The following CCDC192 variants were observed in gnomAD, a reference collection of about 807,000 sequenced individuals.
The protein encoded by CCDC192 is coiled-coil domain-containing protein 192.
intron 5 of CCDC192, among the ~76,000 whole-genome samples, chr5:127,813,676 A>G (rs1758204430): frequency 6.6e-6 from 1 of 152,196 alleles, no homozygotes; most frequent in Non-Finnish European, 1.5e-5. Context: ...ATACTCAGTG[A>G]CCATATTTAA....
intron 2 of CCDC192, among the ~76,000 whole-genome samples, chr5:127,709,000 G>A (rs111566458): frequency 6.6e-6 from 1 of 151,736 alleles, no homozygotes; most frequent in African/African-American, 2.4e-5. Context: ...CAGGCTGTAC[G>A]GGAAGTATAG....
chr5:127,822,047 T>C (rs1749317583), intron 5 of CCDC192, among the ~76,000 whole-genome samples: 1 of 152,242 alleles, frequency 6.6e-6, no homozygotes, highest in Non-Finnish European at 1.5e-5. Context: ...TTTTAATTAG[T>C]TGTCTTCATG....
At chr5:127,801,728 T>C (rs1005605297) in intron 5 of CCDC192, among the ~76,000 whole-genome samples, 5 of 152,180 alleles carry the variant, frequency 3.3e-5, no homozygotes, top group Non-Finnish European at 7.3e-5. Context: ...ATACATCTAT[T>C]TGAGCTGTTA....
At chr5:127,730,080 G>C (rs573219431) in intron 2 of CCDC192, among the ~76,000 whole-genome samples, 1 of 152,030 alleles carries the variant, frequency 6.6e-6, no homozygotes, top group South Asian at 2.1e-4. Context: ...AATTAATCCA[G>C]GACCTGCTTT....
intron 5 of CCDC192, among the ~76,000 whole-genome samples, chr5:127,818,692 G>A (rs1749143469): frequency 6.6e-6 from 1 of 152,154 alleles, no homozygotes. Flanking sequence ...CCTGAGCTGA[G>A]TATTAAATTA....
chr5:127,915,205 A>G (rs950417835), intron 6 of CCDC192, among the ~76,000 whole-genome samples: 4 of 151,426 alleles, frequency 2.6e-5, no homozygotes, highest in Non-Finnish European at 4.4e-5. Flanking sequence ...GTGTGCAAAA[A>G]CATGTTTAAA....
chr5:127,753,645 G>A (rs1040789364), intron 2 of CCDC192, among the ~76,000 whole-genome samples: 1 of 150,178 alleles, frequency 6.7e-6, no homozygotes. Flanking sequence ...CCAAGATCGT[G>A]CCCTTGCACT....
intron 5 of CCDC192, among the ~76,000 whole-genome samples, chr5:127,840,605 T>G (rs1390511897): frequency 1.2e-5 from 1 of 86,684 alleles, no homozygotes; most frequent in African/African-American, 3.8e-5. Flanking sequence ...TATTAAATTA[T>G]TAATTAATTT....
rs367697222 is a variant in CCDC192, at chr5:127,907,116, T to C, written c.535+31455T>C. Among the ~76,000 whole-genome samples the C allele has an allele frequency of 2.6e-5, 4 of 152,266 alleles. No individual in the cohort carries two copies. In the South Asian group the frequency reaches 8.3e-4, roughly 32 times the overall value. ...TTTGGTTTTGAAAAAAACCACATCT[T>C]TATACTACTGAAAAGCTCTACCACT... is the stretch of plus-strand genomic sequence containing the variant. On this transcript the variant is annotated intron_variant, in intron 6 of 6. Coordinates refer to ENST00000514853, the MANE Select transcript of CCDC192 (RefSeq NM_001317938.2).
chr5:127,744,026 A>G (rs1028857595), intron 2 of CCDC192, among the ~76,000 whole-genome samples: 5 of 148,688 alleles, frequency 3.4e-5, no homozygotes, highest in Admixed American at 6.7e-5. Context: ...CCCAGGAGGC[A>G]GAGCTTGCAG....
At chr5:127,843,833 C>T (rs534546631) in intron 5 of CCDC192, among the ~76,000 whole-genome samples, 2 of 152,294 alleles carry the variant, frequency 1.3e-5, no homozygotes, top group Admixed American at 1.3e-4. Context: ...TCTTTCTTTT[C>T]CCCTTCCTTC....
intron 6 of CCDC192, among the ~76,000 whole-genome samples, chr5:127,918,235 A>AAAAAAAAAG (rs1753587501): frequency 6.6e-6 from 1 of 151,166 alleles, no homozygotes; most frequent in East Asian, 1.9e-4. Flanking sequence ...AAAAAAAAAA[A>AAAAAAAAAG]GTAGTATCTA....
At position 127,802,948 on chromosome 5, in the gene CCDC192, A is replaced by C. The variant is rs115647289; in HGVS notation, c.411+4786A>C. Among the ~76,000 whole-genome samples the C allele has an allele frequency of 4.6e-3, 703 of 152,336 alleles. 1 individual carries two copies. The highest frequency in any genetic ancestry group is 0.016 in the African/African-American group (684 of 41,576). On this transcript the variant is annotated intron_variant, in intron 5 of 6. Coordinates refer to ENST00000514853, the MANE Select transcript of CCDC192 (RefSeq NM_001317938.2). ...TTAATTTAATGAGGCTGACTCTTTC[A>C]AATATAACATGCAAGTGACAAAAGG...
intron 6 of CCDC192, among the ~76,000 whole-genome samples, chr5:127,891,866 G>C (rs1395105818): frequency 6.6e-6 from 1 of 152,030 alleles, no homozygotes; most frequent in Admixed American, 6.6e-5. Context: ...TTTATGTATG[G>C]CATTTACTAT....
chr5:127,721,261 C>T (rs1413754448), intron 2 of CCDC192, among the ~76,000 whole-genome samples: 2 of 152,232 alleles, frequency 1.3e-5, no homozygotes, highest in Non-Finnish European at 1.5e-5. Flanking sequence ...CAGCGCATAT[C>T]TTGAATGCTT....
At chr5:127,795,246 C>T (rs184950113) in intron 3 of CCDC192, among the ~76,000 whole-genome samples, 25 of 142,714 alleles carry the variant, frequency 1.8e-4, no homozygotes, top group African/African-American at 5.7e-4. Flanking sequence ...GCAGCGATTG[C>T]GCCATTGCAT....
intron 6 of CCDC192, 94 bp from the exon 7 acceptor site, chr5:127,941,088 A>C (rs1754388189): frequency 7.5e-6 from 3 of 397,946 alleles, no homozygotes; most frequent in African/African-American, 2.1e-5. Flanking sequence ...TCTTTTAAGA[A>C]CGTGAGAAAT....
intron 2 of CCDC192, among the ~76,000 whole-genome samples, chr5:127,719,494 T>TAC (rs1368138187): frequency 7.7e-5 from 7 of 91,070 alleles, no homozygotes; most frequent in East Asian, 7.2e-4. Flanking sequence ...TATATATATA[T>TAC]ACACACACAT....
chr5:127,804,743 C>A (rs1483952725), intron 5 of CCDC192, among the ~76,000 whole-genome samples: 1 of 152,166 alleles, frequency 6.6e-6, no homozygotes, highest in African/African-American at 2.4e-5. Flanking sequence ...TTTGAGGACT[C>A]ATCTCATTCT....
Sources: allele counts gnomAD v4.1 joint callset (sites outside exome capture counted in the v4.1 genomes callset), GRCh38; gene constraint gnomAD v4.1.1; transcripts MANE v1.5; gene names NCBI Gene and HGNC (gene_info 2026-07-23, HGNC 2026-07-21).